The following AMPH variants were observed in gnomAD, a reference collection of about 807,000 sequenced individuals.
AMPH encodes amphiphysin.
A neutral mutation model predicts 99.1 loss-of-function variants in AMPH; 49 were observed. The observed-to-expected ratio is 0.49, with a 90% CI of 0.39 to 0.63. AMPH has a LOEUF of 0.63. AMPH is among the 20% of genes least tolerant of loss of function. The probability of loss-of-function intolerance (pLI) is 0.00; values close to 1 mark genes in which losing one functional copy is unlikely to be tolerated. For missense variants in AMPH, 759 were observed against 863.4 expected (o/e 0.88, Z 1.52); for synonymous variants, 314 against 317.3 (o/e 0.99, Z 0.11).
rs201850332 is a variant in AMPH, at chr7:38,475,424, T to G, written c.505-8A>C. On this transcript the variant is annotated splice_polypyrimidine_tract_variant and splice_region_variant and intron_variant, in intron 6 of 20. Transcript: ENST00000356264. ...CTGAAATTCTTCTTCTGCCTAGGAA[T>G]GAAACATAACATGTGTTTACACTAA... 6.2e-7 allele frequency: 1 copy of G among 1,602,494 alleles called. No individual in the cohort carries two copies. Among genetic ancestry groups the G allele is most frequent in the East Asian group, 2.2e-5 (1 of 44,698 alleles).
chr7:38,615,473 C>T (rs1394725883), intron 1 of AMPH, among the ~76,000 whole-genome samples: 5 of 152,148 alleles, frequency 3.3e-5, no homozygotes, highest in Non-Finnish European at 2.9e-5. Flanking sequence ...GAACGTGCCC[C>T]CTTCATCCAT....
At chr7:38,401,644 T>C (rs560500035) in intron 17 of AMPH, among the ~76,000 whole-genome samples, 2 of 152,208 alleles carry the variant, frequency 1.3e-5, no homozygotes, top group Non-Finnish European at 2.9e-5. Flanking sequence ...TTAGTACTGA[T>C]ATGGATAAGT....
chr7:38,439,319 C>T (rs1786413268), intron 11 of AMPH, among the ~76,000 whole-genome samples: 1 of 152,154 alleles, frequency 6.6e-6, no homozygotes, highest in Non-Finnish European at 1.5e-5. Flanking sequence ...ATCAAATATC[C>T]ATAATGCCAA....
chr7:38,492,833 T>A (rs1788777532), intron 4 of AMPH, among the ~76,000 whole-genome samples: 1 of 152,250 alleles, frequency 6.6e-6, no homozygotes, highest in South Asian at 2.1e-4. Flanking sequence ...CACAAGTTTC[T>A]ATTATTTCCT....
intron 1 of AMPH, among the ~76,000 whole-genome samples, chr7:38,598,703 T>A (rs1404008169): frequency 6.6e-6 from 1 of 152,114 alleles, no homozygotes; most frequent in Non-Finnish European, 1.5e-5. Context: ...TTTCTTGATG[T>A]GGCTTCCAGC....
At position 38,503,643 on chromosome 7, in the gene AMPH, A is replaced by C. The variant is rs374329214; in HGVS notation, c.205+7T>G. 3.1e-6 allele frequency: 5 copies of C among 1,613,558 alleles called. No individual in the cohort carries two copies. Among genetic ancestry groups the C allele is most frequent in the Non-Finnish European group, 4.2e-6 (5 of 1,179,654 alleles). ...GTAACATGCAGTAAACAACTCATAC[A>C]CATTACCTTTGATTGCTGCTAAATA... On this transcript the variant is annotated splice_region_variant and intron_variant, in intron 3 of 20. Transcript: ENST00000356264.
At chr7:38,537,889 A>C (rs1484612604) in intron 1 of AMPH, among the ~76,000 whole-genome samples, 2 of 152,214 alleles carry the variant, frequency 1.3e-5, no homozygotes, top group Non-Finnish European at 2.9e-5. Context: ...TGTGATGAGA[A>C]GAACACTTGA....
chr7:38,431,983 T>G (rs770219579), intron 13 of AMPH: 6 of 656,996 alleles, frequency 9.1e-6, no homozygotes, highest in Non-Finnish European at 1.7e-5. Context: ...CACCCAGGAG[T>G]CTGGTCCACT....
At chr7:38,535,064 G>T in intron 1 of AMPH, 53 bp from the exon 2 acceptor site, 1 of 1,516,010 alleles carries the variant, frequency 6.6e-7, no homozygotes, top group South Asian at 1.1e-5. Context: ...TTCAAAGAAA[G>T]ATGTGCATTT....
intron 20 of AMPH, among the ~76,000 whole-genome samples, chr7:38,385,683 AT>A (rs201359605): frequency 0.027 from 4,044 of 152,328 alleles, 98 homozygotes; most frequent in Non-Finnish European, 0.038. Flanking sequence ...TAGAAGTGCC[AT>A]CACAAAAATG....
intron 1 of AMPH, among the ~76,000 whole-genome samples, chr7:38,593,326 C>T (rs757997856): frequency 2.6e-5 from 4 of 152,034 alleles, no homozygotes; most frequent in Non-Finnish European, 5.9e-5. Context: ...TCTTCAAAAA[C>T]AATAAGATAA....
intron 1 of AMPH, among the ~76,000 whole-genome samples, chr7:38,580,187 T>C (rs1022723577): frequency 2.0e-5 from 3 of 152,158 alleles, no homozygotes; most frequent in African/African-American, 7.2e-5. Context: ...CTCTTCCTAA[T>C]ATTGGAGGCC....
intron 17 of AMPH, among the ~76,000 whole-genome samples, chr7:38,404,077 GTCCTT>G (rs1464000721): frequency 1.3e-5 from 2 of 152,106 alleles, no homozygotes; most frequent in East Asian, 3.9e-4. Flanking sequence ...CACCAGAGAG[GTCCTT>G]TCACAGACCT....
chr7:38,422,915 T>G (rs1315634545), intron 15 of AMPH, among the ~76,000 whole-genome samples: 1 of 152,244 alleles, frequency 6.6e-6, no homozygotes, highest in Non-Finnish European at 1.5e-5. Flanking sequence ...CCACCATGCC[T>G]GGCCTCAATA....
At chr7:38,426,494 T>TAGG (rs1785786743) in intron 15 of AMPH, among the ~76,000 whole-genome samples, 1 of 152,246 alleles carries the variant, frequency 6.6e-6, no homozygotes. Flanking sequence ...GTGGCTCCTA[T>TAGG]AGGAATCTCT....
At chr7:38,489,192 A>T (rs1006194807) in intron 5 of AMPH, among the ~76,000 whole-genome samples, 6 of 152,206 alleles carry the variant, frequency 3.9e-5, no homozygotes, top group African/African-American at 1.2e-4. Flanking sequence ...AAATCCACAA[A>T]TATTCAGTCA....
chr7:38,536,080 T>C (rs190615914), intron 1 of AMPH, among the ~76,000 whole-genome samples: 22 of 152,098 alleles, frequency 1.4e-4, no homozygotes, highest in Admixed American at 2.6e-4. Context: ...CCAGAAATAC[T>C]AAAAAACAAG....
At chr7:38,593,868 G>C (rs1237948682) in intron 1 of AMPH, among the ~76,000 whole-genome samples, 2 of 152,186 alleles carry the variant, frequency 1.3e-5, no homozygotes, top group African/African-American at 4.8e-5. Context: ...CTAGACGGGA[G>C]AGAAAAGGAA....
At chr7:38,408,865 C>T (rs763875568) in intron 17 of AMPH, among the ~76,000 whole-genome samples, 3 of 151,798 alleles carry the variant, frequency 2.0e-5, no homozygotes, top group African/African-American at 7.3e-5. Flanking sequence ...TGGATTTCAT[C>T]GTTAAGTTAT....
Sources: gnomAD v4.1 joint callset for allele counts (sites outside exome capture counted in the v4.1 genomes callset) on GRCh38, gnomAD v4.1.1 for gene constraint, MANE v1.5 for transcripts, NCBI Gene and HGNC (gene_info 2026-07-23, HGNC 2026-07-21) for gene names.